VTA1: variants seen among roughly 807,000 people sequenced by gnomAD.
VTA1 encodes vesicle trafficking 1.
Under a neutral mutation model 36.9 loss-of-function variants are expected in VTA1, and 24 were observed. That is an observed-to-expected ratio of 0.65 (90% CI 0.47 to 0.91). The LOEUF (loss-of-function observed/expected upper bound fraction) is 0.91. VTA1 is among the 40% of genes least tolerant of loss of function. The pLI is 0.00. For synonymous variants in VTA1, 142 were observed against 130.2 expected (o/e 1.09, Z -0.62); for missense variants, 393 against 377.2 (o/e 1.04, Z -0.35).
intron 4 of VTA1, among the ~76,000 whole-genome samples, chr6:142,188,449 A>G (rs1775389146): frequency 6.6e-6 from 1 of 150,780 alleles, no homozygotes; most frequent in Non-Finnish European, 1.5e-5. Flanking sequence ...TTCTGACCTC[A>G]TGATCTGCCT....
intron 5 of VTA1, among the ~76,000 whole-genome samples, chr6:142,192,593 C>A (rs1250155768): frequency 2.6e-5 from 4 of 152,022 alleles, no homozygotes; most frequent in Non-Finnish European, 5.9e-5. Context: ...TAAACATTCT[C>A]TCATTGATTC....
rs139171295 is a variant in VTA1, at chr6:142,209,844, A to G, written c.778+5779A>G. ...GACAATACTACCCAAAGCAATCTAC[A>G]GATTCTGTGCAATCCCTATCAAAAT... On this transcript the variant is annotated intron_variant, in intron 7 of 7. Transcript: ENST00000367630. Among the ~76,000 whole-genome samples, 101 of 152,270 alleles carry G rather than the reference A, an allele frequency of 6.6e-4. 2 individuals are homozygous for G. In the East Asian group the frequency reaches 0.018, roughly 28 times the overall value.
chr6:142,190,485 C>G (rs183947173), intron 5 of VTA1, among the ~76,000 whole-genome samples: 71 of 151,962 alleles, frequency 4.7e-4, no homozygotes, highest in Non-Finnish European at 7.5e-4. Context: ...TCACACAGTG[C>G]GTTTTACAAA....
intron 1 of VTA1, among the ~76,000 whole-genome samples, chr6:142,154,822 ATATAT>A (rs1478185230): frequency 1.3e-5 from 2 of 152,018 alleles, no homozygotes; most frequent in African/African-American, 4.8e-5. Flanking sequence ...AGAGTTCTTA[ATATAT>A]TATAGTTACG....
At chr6:142,149,953 A>G (rs919018182) in intron 1 of VTA1, among the ~76,000 whole-genome samples, 3 of 150,406 alleles carry the variant, frequency 2.0e-5, no homozygotes, top group Non-Finnish European at 4.4e-5. Flanking sequence ...TGATTCTGTC[A>G]TTTTTTTTTA....
At chr6:142,171,770 TG>T (rs139451194) in intron 4 of VTA1, among the ~76,000 whole-genome samples, 1,695 of 152,326 alleles carry the variant, frequency 0.011, 36 homozygotes, top group African/African-American at 0.039. Flanking sequence ...CTATGGGCAA[TG>T]TTTTTTTTGT....
chr6:142,150,752 A>C (rs1349882106), intron 1 of VTA1, among the ~76,000 whole-genome samples: 1 of 152,258 alleles, frequency 6.6e-6, no homozygotes, highest in East Asian at 1.9e-4. Context: ...GTCTGTACTA[A>C]AAATACAAAA....
intron 4 of VTA1, among the ~76,000 whole-genome samples, chr6:142,183,299 T>C (rs1341534698): frequency 6.6e-6 from 1 of 152,162 alleles, no homozygotes; most frequent in East Asian, 1.9e-4. Flanking sequence ...TAAAACTTTG[T>C]CTTTCAAGGT....
chr6:142,190,321 T>G (rs1272770670), intron 5 of VTA1, among the ~76,000 whole-genome samples: 1 of 152,172 alleles, frequency 6.6e-6, no homozygotes, highest in Non-Finnish European at 1.5e-5. Context: ...ATTTTTAGTT[T>G]TTTTTGTGTA....
At position 142,168,603 on chromosome 6, in the gene VTA1, T is replaced by G. The variant is rs189214443; in HGVS notation, c.208-947T>G. 3.1e-3 allele frequency among the ~76,000 whole-genome samples: 473 copies of G among 151,822 alleles called. 2 individuals are homozygous for G. Among genetic ancestry groups the G allele is most frequent in the Non-Finnish European group, 5.1e-3 (345 of 67,896 alleles). On this transcript the variant is annotated intron_variant, in intron 2 of 7. Transcript: ENST00000367630. ...TAGAAAAGGGCTAAAAATTTACAGA[T>G]AGAAGTTGCATTGATTGCAGGTATA... is the stretch of plus-strand genomic sequence containing the variant.
chr6:142,216,472 T>C (rs225707), intron 7 of VTA1, among the ~76,000 whole-genome samples: 58,256 of 151,992 alleles, frequency 0.38, 13,262 homozygotes, highest in Middle Eastern at 0.53. Flanking sequence ...CTCTATATGT[T>C]TATAAGTTAC....
chr6:142,183,721 T>A (rs1474675537), intron 4 of VTA1, among the ~76,000 whole-genome samples: 1 of 152,194 alleles, frequency 6.6e-6, no homozygotes, highest in African/African-American at 2.4e-5. Flanking sequence ...ATCCTTTACA[T>A]CCTTTATTTT....
chr6:142,160,832 T>G (rs1304313668), intron 1 of VTA1, among the ~76,000 whole-genome samples: 2 of 152,184 alleles, frequency 1.3e-5, no homozygotes, highest in Non-Finnish European at 2.9e-5. Context: ...CATCACTTAG[T>G]GTTCGCCATG....
intron 4 of VTA1, among the ~76,000 whole-genome samples, chr6:142,183,789 T>C (rs1056423946): frequency 6.6e-6 from 1 of 152,200 alleles, no homozygotes; most frequent in Non-Finnish European, 1.5e-5. Flanking sequence ...AAATTTCTGC[T>C]AAATAGTATA....
chr6:142,148,291 C>T (rs528172033), intron 1 of VTA1, among the ~76,000 whole-genome samples: 5 of 152,252 alleles, frequency 3.3e-5, no homozygotes, highest in Admixed American at 6.5e-5. Context: ...TCCAAATGTA[C>T]CCTGTTTCTC....
chr6:142,207,921 T>G (rs1450771941), intron 7 of VTA1, among the ~76,000 whole-genome samples: 2 of 151,586 alleles, frequency 1.3e-5, no homozygotes, highest in Non-Finnish European at 2.9e-5. Context: ...CTGTCTCTAC[T>G]GAAAATACAA....
At position 142,223,878 on chromosome 6, in the gene VTA1, T is replaced by G. The variant is rs961919615; in HGVS notation, c.*5235T>G. 2.0e-5 allele frequency: 3 copies of G among 151,688 alleles called. No homozygotes were observed. Among genetic ancestry groups the G allele is most frequent in the Non-Finnish European group, 4.4e-5 (3 of 68,022 alleles). The allele number at this position is 151,688 out of a possible 1,614,324, so 9.4% of individuals were successfully genotyped here. On this transcript the variant is annotated 3_prime_UTR_variant, in exon 8 of 8. Transcript: ENST00000367630. Reference sequence around the variant, plus strand: ...AGAGAGAAAAGCACAAGCAACACCATGGAGGAACAAATGTGGGCAATTCAG... The same window carrying G: ...AGAGAGAAAAGCACAAGCAACACCAGGGAGGAACAAATGTGGGCAATTCAG...
intron 4 of VTA1, among the ~76,000 whole-genome samples, chr6:142,188,502 C>T (rs903253805): frequency 4.6e-5 from 7 of 152,058 alleles, no homozygotes; most frequent in Admixed American, 6.5e-5. Flanking sequence ...CATGAGCCAC[C>T]GTGCCTGTTT....
At chr6:142,196,462 C>T (rs1056464911) in intron 5 of VTA1, among the ~76,000 whole-genome samples, 1 of 152,184 alleles carries the variant, frequency 6.6e-6, no homozygotes, top group South Asian at 2.1e-4. Flanking sequence ...TTCTGTCTCT[C>T]AACCCCTGTG....
Sources: allele counts gnomAD v4.1 joint callset (sites outside exome capture counted in the v4.1 genomes callset), GRCh38; gene constraint gnomAD v4.1.1; transcripts MANE v1.5; gene names NCBI Gene and HGNC (gene_info 2026-07-23, HGNC 2026-07-21).